The following NCOA3 variants were observed in gnomAD, a reference collection of about 807,000 sequenced individuals.
NCOA3 encodes the protein nuclear receptor coactivator 3.
A neutral mutation model predicts 158.8 loss-of-function variants in NCOA3; 51 were observed. The observed-to-expected ratio is 0.32, with a 90% CI of 0.26 to 0.41. The LOEUF is 0.41. NCOA3 is among the 10% of genes least tolerant of loss of function. The pLI is 1.00. For missense variants in NCOA3, 1,510 were observed against 1,746.6 expected, an observed-to-expected ratio of 0.86 and a Z score of 2.41; for synonymous variants, 537 against 592.4, an observed-to-expected ratio of 0.91 and a Z score of 1.36.
chr20:47,580,398 C>G (rs766163879), intron 1 of NCOA3, among the ~76,000 whole-genome samples: 39 of 152,064 alleles, frequency 2.6e-4, no homozygotes, highest in African/African-American at 8.7e-4. Flanking sequence ...AACCCTGTCT[C>G]TACAAAAATT....
At chr20:47,595,614 G>A (rs1319695480) in intron 2 of NCOA3, among the ~76,000 whole-genome samples, 1 of 151,848 alleles carries the variant, frequency 6.6e-6, no homozygotes, top group Non-Finnish European at 1.5e-5. Context: ...AGCTGTAAGT[G>A]ATGTGGCTTT....
At chr20:47,624,365 CTG>C (rs1279260178) in intron 4 of NCOA3, among the ~76,000 whole-genome samples, 1 of 152,178 alleles carries the variant, frequency 6.6e-6, no homozygotes, top group Non-Finnish European at 1.5e-5. Flanking sequence ...ATGGGAGAAA[CTG>C]TGACAGATCA....
intron 14 of NCOA3, 114 bp from the exon 15 acceptor site, chr20:47,639,463 T>C (rs2086568902): frequency 1.4e-6 from 2 of 1,395,108 alleles, no homozygotes; most frequent in Admixed American, 2.1e-5. Flanking sequence ...TTTCTTACCA[T>C]GACAAAGTGC....
intron 2 of NCOA3, among the ~76,000 whole-genome samples, chr20:47,597,482 C>G (rs1416681429): frequency 8.0e-6 from 1 of 125,350 alleles, no homozygotes; most frequent in African/African-American, 2.9e-5. Context: ...CTAACCTGTG[C>G]TTTTTTTTTT....
intron 1 of NCOA3, among the ~76,000 whole-genome samples, chr20:47,520,058 GGCCA>G (rs1212904573): frequency 2.9e-5 from 3 of 101,890 alleles, no homozygotes. Flanking sequence ...AACTGTGCCT[GGCCA>G]AAAAAAAAAA....
At chr20:47,615,331 C>T (rs2086114504) in intron 2 of NCOA3, among the ~76,000 whole-genome samples, 1 of 152,190 alleles carries the variant, frequency 6.6e-6, no homozygotes, top group Non-Finnish European at 1.5e-5. Context: ...TTTTGGCACA[C>T]TATAGCTTTT....
At chr20:47,607,490 T>C (rs2085966886) in intron 2 of NCOA3, among the ~76,000 whole-genome samples, 1 of 152,212 alleles carries the variant, frequency 6.6e-6, no homozygotes, top group African/African-American at 2.4e-5. Context: ...TGTGCCCTTC[T>C]TTATTTGTTT....
At position 47,628,019 on chromosome 20, in the gene NCOA3, T is replaced by A; in HGVS notation, c.819T>A (p.Leu273=). 14 of 1,611,798 alleles carry A rather than the reference T, an allele frequency of 8.7e-6. No homozygotes were observed. The highest frequency in any genetic ancestry group is 1.2e-5 in the Non-Finnish European group (14 of 1,177,940). Residue 273 remains leucine (L), a synonymous_variant, in exon 8 of 23, where the codon CTT becomes CTA. Transcript: ENST00000371998. ...NPESFITRHD[L]SGKVVNIDTN... is the part of the protein sequence containing the mutation. Reference sequence around the variant, plus strand: ...AGAGCTTTATTACCAGACATGATCTTTCAGGTAAAAACTCTTTTTTTGTCT... The same window carrying A: ...AGAGCTTTATTACCAGACATGATCTATCAGGTAAAAACTCTTTTTTTGTCT...
chr20:47,599,343 CA>C (rs1204614418), intron 2 of NCOA3, among the ~76,000 whole-genome samples: 1 of 149,652 alleles, frequency 6.7e-6, no homozygotes, highest in East Asian at 2.0e-4. Flanking sequence ...TTGTCAAGGG[CA>C]GGGGTGAATA....
At chr20:47,593,120 A>G (rs2085675981) in intron 2 of NCOA3, among the ~76,000 whole-genome samples, 1 of 151,998 alleles carries the variant, frequency 6.6e-6, no homozygotes, top group Non-Finnish European at 1.5e-5. Flanking sequence ...TTTTGTAGAG[A>G]TGGAGTTTCA....
At chr20:47,545,119 T>A (rs1418765546) in intron 1 of NCOA3, among the ~76,000 whole-genome samples, 1 of 151,454 alleles carries the variant, frequency 6.6e-6, no homozygotes, top group Non-Finnish European at 1.5e-5. Context: ...GACCTGTTTT[T>A]CTTTGAGCAA....
rs141010530 is a variant in NCOA3 at position 47,527,093 on chromosome 20, G to A, written c.-99+25074G>A. Among the ~76,000 whole-genome samples the A allele has an allele frequency of 4.0e-3, 610 of 152,252 alleles. 7 individuals carry two copies. The highest frequency in any genetic ancestry group is 0.014 in the African/African-American group (578 of 41,544). On this transcript the variant is annotated intron_variant, in intron 1 of 22. Transcript: ENST00000371998. Reference sequence around the variant, plus strand: ...CTAAATTAATTTTAGTAGCTTTTATGTAGTTTGCTTAGGATTGTATATATA... The same window carrying A: ...CTAAATTAATTTTAGTAGCTTTTATATAGTTTGCTTAGGATTGTATATATA...
intron 2 of NCOA3, 96 bp from the exon 3 acceptor site, chr20:47,622,133 G>C (rs2086251151): frequency 1.6e-6 from 1 of 615,300 alleles, no homozygotes; most frequent in African/African-American, 1.9e-5. Flanking sequence ...AAGTAGTTCT[G>C]AATTAAAAGT....
chr20:47,618,348 G>GTTTTTTTTTTT (rs71183269), intron 2 of NCOA3, among the ~76,000 whole-genome samples: 1 of 101,378 alleles, frequency 9.9e-6, no homozygotes, highest in Non-Finnish European at 1.9e-5. Context: ...TTTTCCCTTA[G>GTTTTTTTTTTT]TTTTTTTTTT....
chr20:47,558,227 T>A (rs529395861), intron 1 of NCOA3, among the ~76,000 whole-genome samples: 3 of 138,398 alleles, frequency 2.2e-5, no homozygotes, highest in Non-Finnish European at 4.6e-5. Context: ...CCCAGCTAAT[T>A]TTGTATTTTT....
intron 2 of NCOA3, among the ~76,000 whole-genome samples, chr20:47,613,531 T>C (rs1215445156): frequency 6.7e-6 from 1 of 149,646 alleles, no homozygotes; most frequent in Non-Finnish European, 1.5e-5. Flanking sequence ...TACTTTATCC[T>C]ACAAAACATA....
At position 47,651,194 on chromosome 20, in the gene NCOA3, T is replaced by C; in HGVS notation, c.3864T>C (p.Ala1288=). ...TCAGCCCACCTCCTAATGTGACTGC[T>C]TCCCCCAGCATGGATGGGCTTTTGG... ...QAFSPPPNVT[A]SPSMDGLLAG... The change falls in exon 20 of 23, where the codon GCT becomes GCC. Residue 1288 remains alanine (A), a synonymous_variant. Coordinates refer to ENST00000371998, the MANE Select transcript of NCOA3 (RefSeq NM_181659.3). 1.2e-6 allele frequency: 2 copies of C among 1,614,050 alleles called. No homozygotes were observed. Among genetic ancestry groups the C allele is most frequent in the African/African-American group, 2.7e-5 (2 of 74,986 alleles).
At chr20:47,529,639 T>A (rs1014696004) in intron 1 of NCOA3, among the ~76,000 whole-genome samples, 1 of 152,196 alleles carries the variant, frequency 6.6e-6, no homozygotes, top group Non-Finnish European at 1.5e-5. Flanking sequence ...TCTCGAACTC[T>A]GACCTCAAGT....
intron 1 of NCOA3, among the ~76,000 whole-genome samples, chr20:47,507,318 A>C (rs1192699848): frequency 6.6e-6 from 1 of 152,330 alleles, no homozygotes; most frequent in South Asian, 2.1e-4. Flanking sequence ...CAAGTTGTTC[A>C]TGAACCTTCC....
Sources: allele counts gnomAD v4.1 joint callset (sites outside exome capture counted in the v4.1 genomes callset), GRCh38; gene constraint gnomAD v4.1.1; transcripts MANE v1.5; gene names NCBI Gene and HGNC (gene_info 2026-07-23, HGNC 2026-07-21).